Variants in ZFAND3 observed in about 807,000 individuals in gnomAD.
ZFAND3 encodes the protein zinc finger AN1-type containing 3.
In ZFAND3, 10 loss-of-function variants were observed where a neutral mutation model predicts 29.6. The observed-to-expected ratio is 0.34, with a 90% CI of 0.21 to 0.57. ZFAND3 has a LOEUF of 0.57. ZFAND3 is among the 20% of genes least tolerant of loss of function. ZFAND3 has a pLI of 0.86. For synonymous variants in ZFAND3, 128 were observed against 112.6 expected (o/e 1.14, Z -0.87); for missense variants, 230 against 304.5 (o/e 0.76, Z 1.82).
At chr6:38,144,651 T>C (rs1472790773) in intron 5 of ZFAND3, among the ~76,000 whole-genome samples, 2 of 152,192 alleles carry the variant, frequency 1.3e-5, no homozygotes, top group Non-Finnish European at 1.5e-5. Context: ...CCTTCAACTT[T>C]TGACAATTTA....
intron 2 of ZFAND3, among the ~76,000 whole-genome samples, chr6:37,977,876 C>CCT (rs1339102752): frequency 8.4e-6 from 1 of 119,520 alleles, no homozygotes; most frequent in Non-Finnish European, 1.8e-5. Context: ...TCCTTTCCTT[C>CCT]TTCCTTCCTT....
chr6:38,046,806 G>A (rs1763912755), intron 2 of ZFAND3, among the ~76,000 whole-genome samples: 1 of 152,130 alleles, frequency 6.6e-6, no homozygotes. Context: ...AGTTGTTTCA[G>A]ACAAAACTTT....
intron 2 of ZFAND3, among the ~76,000 whole-genome samples, chr6:37,961,607 A>G (rs977055719): frequency 2.6e-5 from 4 of 152,262 alleles, no homozygotes; most frequent in Non-Finnish European, 4.4e-5. Flanking sequence ...GCTGGTGGCC[A>G]TAGGAGTACT....
intron 1 of ZFAND3, among the ~76,000 whole-genome samples, chr6:37,902,737 C>CTTT (rs11448512): frequency 0.059 from 5,906 of 100,252 alleles, 306 homozygotes; most frequent in Non-Finnish European, 0.077. Flanking sequence ...CTTTTACTTA[C>CTTT]TTTTTTTTTT....
At chr6:37,934,719 G>GTCCCA (rs1214625481) in intron 2 of ZFAND3, among the ~76,000 whole-genome samples, 1 of 150,890 alleles carries the variant, frequency 6.6e-6, no homozygotes, top group Non-Finnish European at 1.5e-5. Flanking sequence ...CATGCCTGTA[G>GTCCCA]TCCCAGCTAC....
At chr6:37,977,968 G>T (rs1762518735) in intron 2 of ZFAND3, among the ~76,000 whole-genome samples, 1 of 143,926 alleles carries the variant, frequency 6.9e-6, no homozygotes, top group Non-Finnish European at 1.5e-5. Flanking sequence ...TTCTCACTCT[G>T]TCTCCCAGGC....
rs73421418 is a variant in ZFAND3, at chr6:37,944,031, A to G, written c.112+14032A>G. Among the ~76,000 whole-genome samples, 243 of 152,262 alleles carry G rather than the reference A, an allele frequency of 1.6e-3. 1 individual carries two copies. Among genetic ancestry groups the G allele is most frequent in the African/African-American group, 4.8e-3 (198 of 41,554 alleles). ...GATTGTATGCCTTTTTCTGTTTACT[A>G]TCTCTTAATTCAGGTGCTGTTAGTC... is the stretch of plus-strand genomic sequence containing the variant. On this transcript the variant is annotated intron_variant, in intron 2 of 5. Coordinates refer to ENST00000287218, the MANE Select transcript of ZFAND3 (RefSeq NM_021943.3).
At chr6:37,839,460 G>A (rs908335405) in intron 1 of ZFAND3, among the ~76,000 whole-genome samples, 1 of 151,682 alleles carries the variant, frequency 6.6e-6, no homozygotes, top group East Asian at 1.9e-4. Flanking sequence ...GGGATAACAG[G>A]CGTGAGCCAC....
chr6:37,822,203 G>A (rs1212030383), intron 1 of ZFAND3, among the ~76,000 whole-genome samples: 5 of 152,182 alleles, frequency 3.3e-5, no homozygotes, highest in Non-Finnish European at 7.3e-5. Flanking sequence ...GACAGGAAAA[G>A]TTACACTAAT....
chr6:38,153,077 G>A lies in ZFAND3; in HGVS notation c.*688G>A, dbSNP rs920653552. On this transcript the variant is annotated 3_prime_UTR_variant, in exon 6 of 6. Coordinates refer to ENST00000287218, the MANE Select transcript of ZFAND3 (RefSeq NM_021943.3). ...TTAGCTCCACTCAAGACTAGTCCAC[G>A]AACGAGACCCGCCTTTTCTACACAG... 7 of 985,350 alleles carry A rather than the reference G, an allele frequency of 7.1e-6. No individual in the cohort carries two copies. The South Asian group carries it at 1.4e-4, about 20-fold the overall frequency. 61.0% of individuals were successfully genotyped at this position (985,350 alleles called of 1,614,324 possible). A position where few individuals can be genotyped will look rare whatever the true frequency, so the allele number is the denominator to read the frequency against.
chr6:38,020,784 C>T (rs1763335164), intron 2 of ZFAND3, among the ~76,000 whole-genome samples: 2 of 152,114 alleles, frequency 1.3e-5, no homozygotes. Context: ...TTTGTGTATC[C>T]ATTAAGCACA....
intron 2 of ZFAND3, among the ~76,000 whole-genome samples, chr6:37,942,989 A>T (rs1761837964): frequency 6.6e-6 from 1 of 152,226 alleles, no homozygotes; most frequent in East Asian, 1.9e-4. Context: ...TGACAGGTTT[A>T]GACAACATTA....
chr6:37,828,710 G>A (rs933010041), intron 1 of ZFAND3, among the ~76,000 whole-genome samples: 10 of 151,640 alleles, frequency 6.6e-5, no homozygotes, highest in Admixed American at 4.6e-4. Flanking sequence ...GTGCAGTGGC[G>A]CCATCTTGGC....
chr6:37,832,857 C>G (rs1286916441), intron 1 of ZFAND3: 2 of 148,476 alleles, frequency 1.3e-5, no homozygotes, highest in East Asian at 3.9e-4. Flanking sequence ...TAAAGTTTTT[C>G]TTTTTTTTTT....
chr6:38,064,932 C>G (rs1416192900), intron 3 of ZFAND3, among the ~76,000 whole-genome samples: 2 of 152,056 alleles, frequency 1.3e-5, no homozygotes, highest in Non-Finnish European at 2.9e-5. Flanking sequence ...TGAGTTGGAG[C>G]TCAGAGGAGT....
chr6:37,855,014 T>G (rs998705112), intron 1 of ZFAND3, among the ~76,000 whole-genome samples: 1 of 149,048 alleles, frequency 6.7e-6, no homozygotes, highest in Non-Finnish European at 1.5e-5. Flanking sequence ...CTTGCTGGAT[T>G]ATGGTATGGT....
chr6:38,056,121 A>G (rs895385742), intron 2 of ZFAND3, among the ~76,000 whole-genome samples: 9 of 152,260 alleles, frequency 5.9e-5, no homozygotes, highest in Admixed American at 2.0e-4. Flanking sequence ...CTTCTATGAT[A>G]TAACTTAAGG....
Position 38,073,462 on chromosome 6 carries a change from T to A in ZFAND3, c.296-8930T>A, listed in dbSNP as rs187820849. Among the ~76,000 whole-genome samples, 18 of 152,298 alleles carry A rather than the reference T, an allele frequency of 1.2e-4. No individual in the cohort carries two copies. The East Asian group carries it at 3.5e-3, about 29-fold the overall frequency. On this transcript the variant is annotated intron_variant, in intron 3 of 5. Coordinates refer to ENST00000287218, the MANE Select transcript of ZFAND3 (RefSeq NM_021943.3). ...TCTAGAAATCGGAGTTGAGCCTTAG[T>A]TAAGCCTGTAAATAGTCAAAAGTGA... is the stretch of plus-strand genomic sequence containing the variant.
chr6:37,977,434 T>C (rs1227601791), intron 2 of ZFAND3, among the ~76,000 whole-genome samples: 2 of 152,182 alleles, frequency 1.3e-5, no homozygotes, highest in Non-Finnish European at 2.9e-5. Flanking sequence ...CCCGAGTAGC[T>C]AGGATTACAG....
Sources: gnomAD v4.1 joint callset for allele counts (sites outside exome capture counted in the v4.1 genomes callset) on GRCh38, gnomAD v4.1.1 for gene constraint, MANE v1.5 for transcripts, NCBI Gene and HGNC (gene_info 2026-07-23, HGNC 2026-07-21) for gene names.